PLEKHA8: variants seen among roughly 807,000 people sequenced by gnomAD.
The protein encoded by PLEKHA8 is pleckstrin homology domain-containing family A member 8.
PLEKHA8 carries 36 observed loss-of-function variants against 68.2 expected under a neutral mutation model. The ratio of observed to expected loss-of-function variants is 0.53; its 90% CI spans 0.40 to 0.70. The LOEUF (loss-of-function observed/expected upper bound fraction) is 0.70. Ranked by LOEUF, PLEKHA8 falls within the 30% of genes least tolerant of loss-of-function variation. The pLI is 0.00. For synonymous variants in PLEKHA8, 211 were observed against 216.1 expected (o/e 0.98, Z 0.20); for missense variants, 505 against 615.4 (o/e 0.82, Z 1.90).
At chr7:30,126,733 G>T (rs143336969) in intron 13 of PLEKHA8, among the ~76,000 whole-genome samples, 24 of 152,300 alleles carry the variant, frequency 1.6e-4, no homozygotes, top group Admixed American at 4.6e-4. Flanking sequence ...TGAAAGGCAC[G>T]TCTCACATGG....
Position 30,045,127 on chromosome 7 carries a change from C to A in PLEKHA8, c.83C>A (p.Ser28Tyr). 1 of 1,611,718 alleles carries A rather than the reference C, an allele frequency of 6.2e-7. No individual in the cohort carries two copies. The highest frequency in any genetic ancestry group is 8.5e-7 in the Non-Finnish European group (1 of 1,179,006). ...TTCCTTCTCTGTGGGGGAATATTGT[C>A]CTATTATGATTCTCCTGAAGATGCC... The part of the protein sequence containing the change: ...RWFLLCGGIL[S>Y]YYDSPEDAWK... Residue 28 changes from serine (S) to tyrosine (Y), a missense_variant, in exon 2 of 14, where the codon TCC becomes TAC. Coordinates refer to ENST00000449726, the MANE Select transcript of PLEKHA8 (RefSeq NM_001197026.2).
downstream of PLEKHA8, among the ~76,000 whole-genome samples, chr7:30,092,275 A>G (rs1310717931): frequency 6.6e-6 from 1 of 152,118 alleles, no homozygotes; most frequent in Non-Finnish European, 1.5e-5. Context: ...AGTCGTTGTT[A>G]TTGTTTGAAA....
At chr7:30,111,599 G>T (rs904320762) in intron 13 of PLEKHA8, among the ~76,000 whole-genome samples, 10 of 151,012 alleles carry the variant, frequency 6.6e-5, no homozygotes, top group Non-Finnish European at 1.3e-4. Flanking sequence ...CTGTAAAAAT[G>T]GACATTTATT....
Position 30,083,509 on chromosome 7 carries a change from A to T in PLEKHA8, c.*4722A>T, listed in dbSNP as rs999368836. The T allele has an allele frequency of 1.0e-5, 10 of 985,046 alleles. No homozygotes were observed. Among genetic ancestry groups the T allele is most frequent in the African/African-American group, 3.5e-5 (2 of 57,168 alleles). 61.0% of individuals were successfully genotyped at this position (985,046 alleles called of 1,614,324 possible). On this transcript the variant is annotated 3_prime_UTR_variant, in exon 14 of 14. Coordinates refer to ENST00000449726, the MANE Select transcript of PLEKHA8 (RefSeq NM_001197026.2). ...CCTGTGTACAGTGACTATTTGCATG[A>T]TTTCTCATTGCACTGCTGCATTCAG...
At chr7:30,029,080 C>G (rs1243870983) in intron 1 of PLEKHA8, among the ~76,000 whole-genome samples, 1 of 152,224 alleles carries the variant, frequency 6.6e-6, no homozygotes, top group Non-Finnish European at 1.5e-5. Flanking sequence ...AGGCACGGTG[C>G]TCTTGATGTC....
chr7:30,055,107 A>T, intron 8 of PLEKHA8, 150 bp from the exon 9 acceptor site: 1 of 754,554 alleles, frequency 1.3e-6, no homozygotes, highest in South Asian at 1.8e-5. Context: ...TTATTTTATG[A>T]GACCATATTA....
At chr7:30,125,069 G>T (rs892357573) in intron 13 of PLEKHA8, among the ~76,000 whole-genome samples, 3 of 152,018 alleles carry the variant, frequency 2.0e-5, no homozygotes, top group Admixed American at 2.0e-4. Flanking sequence ...AGAAAATTAG[G>T]ATATCTTTTA....
chr7:30,072,824 G>A (rs1461384108), intron 12 of PLEKHA8, among the ~76,000 whole-genome samples: 1 of 152,160 alleles, frequency 6.6e-6, no homozygotes, highest in Non-Finnish European at 1.5e-5. Flanking sequence ...AGGTCAAATA[G>A]CCCCCATGGT....
chr7:30,068,908 G>T (rs958008274), intron 12 of PLEKHA8, among the ~76,000 whole-genome samples: 10 of 152,130 alleles, frequency 6.6e-5, no homozygotes, highest in African/African-American at 2.4e-4. Flanking sequence ...ATGGTGTAAG[G>T]TGGGGATATA....
In PLEKHA8 at chr7:30,082,040, T is replaced by TG. The variant is rs1794957208; in HGVS notation, c.*3254dup. 1 of 962,350 alleles carries TG rather than the reference T, an allele frequency of 1.0e-6. No homozygotes were observed. The highest frequency in any genetic ancestry group is 4.8e-5 in the South Asian group (1 of 20,840). 59.6% of individuals were successfully genotyped at this position (962,350 alleles called of 1,614,324 possible). A position where few individuals can be genotyped will look rare whatever the true frequency, so the allele number is the denominator to read the frequency against. ...AGAAGATGGTCTTCTCATTGGCTCT[T>TG]GATGTAGCTCTGAAGGGAGTTCCAG... On this transcript the variant is annotated 3_prime_UTR_variant, in exon 14 of 14. Coordinates refer to ENST00000449726, the MANE Select transcript of PLEKHA8 (RefSeq NM_001197026.2).
rs117860813 is a variant in PLEKHA8, at chr7:30,064,380, C to G, written c.1300+1638C>G. 3.7e-3 allele frequency among the ~76,000 whole-genome samples: 556 copies of G among 152,186 alleles called. 1 individual carries two copies. Among genetic ancestry groups the G allele is most frequent in the Non-Finnish European group, 5.8e-3 (397 of 67,996 alleles). On this transcript the variant is annotated intron_variant, in intron 12 of 13. Transcript: ENST00000449726. The stretch of plus-strand genomic sequence containing the variant: ...CAGCCTATGCAACACGGCAAAACTC[C>G]ATCTCTACAAAAATTAGCTGAGTAT...
At chr7:30,032,622 T>C (rs1036046884) in intron 1 of PLEKHA8, among the ~76,000 whole-genome samples, 5 of 152,206 alleles carry the variant, frequency 3.3e-5, no homozygotes, top group Non-Finnish European at 7.4e-5. Flanking sequence ...GCTTGATCAT[T>C]ATGTAATTCT....
intron 1 of PLEKHA8, among the ~76,000 whole-genome samples, chr7:30,029,875 C>T (rs531328416): frequency 6.6e-6 from 1 of 152,224 alleles, no homozygotes; most frequent in East Asian, 1.9e-4. Flanking sequence ...CACAGCACAG[C>T]CAAAGGTGCC....
chr7:30,060,764 T>C (rs1793373480), intron 9 of PLEKHA8, 120 bp from the exon 10 acceptor site: 2 of 752,510 alleles, frequency 2.7e-6, no homozygotes, highest in Admixed American at 2.5e-5. Flanking sequence ...TTTAGATAAA[T>C]GATTTGGAAG....
chr7:30,085,472 TTAA>T (rs1454773593), downstream of PLEKHA8, among the ~76,000 whole-genome samples: 1 of 152,232 alleles, frequency 6.6e-6, no homozygotes, highest in Non-Finnish European at 1.5e-5. Flanking sequence ...GGCTGTGTGC[TTAA>T]TTAGATGACA....
intron 9 of PLEKHA8, among the ~76,000 whole-genome samples, chr7:30,059,559 A>G (rs1243911756): frequency 6.8e-6 from 1 of 146,560 alleles, no homozygotes; most frequent in Non-Finnish European, 1.5e-5. Context: ...TCCTTTCCTG[A>G]TCTCTAGCCA....
chr7:30,029,400 A>G (rs1032825750), intron 1 of PLEKHA8, among the ~76,000 whole-genome samples: 2 of 152,152 alleles, frequency 1.3e-5, no homozygotes, highest in Non-Finnish European at 2.9e-5. Flanking sequence ...ACAGACTCAG[A>G]AATTACCGTT....
At chr7:30,130,210 A>G (rs928348074), downstream of PLEKHA8, 3 of 152,190 alleles carry the variant, frequency 2.0e-5, no homozygotes, top group Non-Finnish European at 4.4e-5. Flanking sequence ...TATAATAGAG[A>G]CAGAACTGTC....
intron 5 of PLEKHA8, among the ~76,000 whole-genome samples, chr7:30,049,929 AC>A (rs1261023300): frequency 6.6e-6 from 1 of 152,158 alleles, no homozygotes; most frequent in African/African-American, 2.4e-5. Flanking sequence ...TAGCTCATAC[AC>A]ATCCTCAAAG....
Sources: allele counts gnomAD v4.1 joint callset (sites outside exome capture counted in the v4.1 genomes callset), GRCh38; gene constraint gnomAD v4.1.1; transcripts MANE v1.5; gene names NCBI Gene and HGNC (gene_info 2026-07-23, HGNC 2026-07-21).